SLC2A11: variants seen among roughly 807,000 people sequenced by gnomAD.
The protein encoded by SLC2A11 is solute carrier family 2, facilitated glucose transporter member 11.
In SLC2A11, 43 loss-of-function variants were observed where a neutral mutation model predicts 52.1. That is an observed-to-expected ratio of 0.82 (90% CI 0.65 to 1.06). The LOEUF (loss-of-function observed/expected upper bound fraction) is 1.06. Ranked by LOEUF, SLC2A11 falls within the 50% of genes least tolerant of loss-of-function variation. The probability of loss-of-function intolerance (pLI) is 0.00; values close to 1 mark genes in which losing one functional copy is unlikely to be tolerated. For synonymous variants in SLC2A11, 261 were observed against 277.6 expected (o/e 0.94, Z 0.59); for missense variants, 582 against 654.2 (o/e 0.89, Z 1.20).
chr22:23,858,061 G>A, intron 1 of SLC2A11, 32 bp downstream of exon 1: 1 of 1,552,962 alleles, frequency 6.4e-7, no homozygotes. Context: ...CAGACCAGGC[G>A]TTTCAGATGA....
At chr22:23,875,657 T>A (rs1471936286) in intron 4 of SLC2A11, among the ~76,000 whole-genome samples, 3 of 151,952 alleles carry the variant, frequency 2.0e-5, no homozygotes, top group Non-Finnish European at 4.4e-5. Context: ...AGAGCAGAAT[T>A]TTGAGCACAT....
chr22:23,884,252 C>G lies in SLC2A11; in HGVS notation c.1172-50C>G. ...TGTCTGGGCTGGGGTCGGGGAGAGG[C>G]AGGCAGGGAACCCTGGCCAGCAGCC... On this transcript the variant is annotated intron_variant, in intron 10 of 11. Coordinates refer to ENST00000316185, the MANE Select transcript of SLC2A11 (RefSeq NM_001024939.4). This position sits in a 1 kb window ranked among gnomAD's most constrained non-coding sequence, Gnocchi z 4.3. 1 of 1,581,210 alleles carries G rather than the reference C, an allele frequency of 6.3e-7. No individual in the cohort carries two copies. Among genetic ancestry groups the G allele is most frequent in the Non-Finnish European group, 8.6e-7 (1 of 1,162,622 alleles).
chr22:23,866,181 A>AG (rs2032257277), intron 2 of SLC2A11: 1 of 148,556 alleles, frequency 6.7e-6, no homozygotes, highest in African/African-American at 2.5e-5. Context: ...AAAAAAAAAA[A>AG]AGAAAGAAAA....
chr22:23,883,238 G>A (rs749682667), intron 8 of SLC2A11: 1 of 376,832 alleles, frequency 2.7e-6, no homozygotes, highest in Non-Finnish European at 5.1e-6. Flanking sequence ...CTCCAGCCCA[G>A]GCAATAGTGC....
intron 8 of SLC2A11, chr22:23,883,486 A>G (rs1158021941): frequency 4.6e-6 from 2 of 438,148 alleles, no homozygotes; most frequent in African/African-American, 4.1e-5. Flanking sequence ...CAGTGAGACC[A>G]GTAAGACCCT....
rs1484682267 is a variant in SLC2A11 at position 23,884,423 on chromosome 22, T to C, written c.1293T>C (p.Phe431=). ...TCCTGGTCGGCCTGGGATTTCCCTT[T>C]ATCATGGTAGGCCCGCCCCTCCCGC... ...MLILVGLGFP[F]IMEALSHFLY... The change falls in exon 11 of 12, where the codon TTT becomes TTC. Residue 431 remains phenylalanine (F), a synonymous_variant. Transcript: ENST00000316185. This position sits in a 1 kb window ranked among gnomAD's most constrained non-coding sequence, Gnocchi z 4.3. 1 of 1,613,600 alleles carries C rather than the reference T, an allele frequency of 6.2e-7. No individual in the cohort carries two copies. Among genetic ancestry groups the C allele is most frequent in the South Asian group, 1.1e-5 (1 of 91,048 alleles).
chr22:23,861,887 T>G (rs1358226909), intron 1 of SLC2A11, among the ~76,000 whole-genome samples: 1 of 152,062 alleles, frequency 6.6e-6, no homozygotes, highest in Non-Finnish European at 1.5e-5. Context: ...GAGGGTAAAG[T>G]GGGGTCCTGG....
Position 23,877,821 on chromosome 22 carries a change from CCG to C in SLC2A11, c.650_651del (p.Arg217LeufsTer5), listed in dbSNP as rs1361164406. On this transcript the variant is annotated frameshift_variant, in exon 6 of 12. Transcript: ENST00000316185. LOFTEE classifies it high-confidence loss of function. ...CTCCCTGCCTCTGCTCCCTGAAAGC[CCG>C]CGCTACCTCCTCATTGACTGTGGAG... ...LASLPLLPES[P>X]RYLLIDCGDT... is the part of the protein sequence containing the mutation. 1 of 1,613,536 alleles carries C rather than the reference CCG, an allele frequency of 6.2e-7. No homozygotes were observed. Among genetic ancestry groups the C allele is most frequent in the Admixed American group, 1.7e-5 (1 of 59,954 alleles).
chr22:23,857,162 G>C (rs999084071), upstream of SLC2A11: 2 of 1,009,704 alleles, frequency 2.0e-6, no homozygotes, highest in Non-Finnish European at 2.9e-6. Context: ...AGTGGCCTCC[G>C]AGGTTCTGGC....
chr22:23,858,443 G>C (rs1386741027), intron 1 of SLC2A11, among the ~76,000 whole-genome samples: 1 of 152,176 alleles, frequency 6.6e-6, no homozygotes, highest in African/African-American at 2.4e-5. Flanking sequence ...AAAGGGCGCA[G>C]CCAGAGGAGA....
chr22:23,878,794 A>G (rs2032708740), intron 6 of SLC2A11, among the ~76,000 whole-genome samples: 1 of 152,322 alleles, frequency 6.6e-6, no homozygotes, highest in South Asian at 2.1e-4. Flanking sequence ...GTCTCATCCA[A>G]TCATGGCATC....
intron 3 of SLC2A11, chr22:23,869,876 T>C: frequency 3.1e-6 from 2 of 647,946 alleles, no homozygotes; most frequent in Non-Finnish European, 5.6e-6. Flanking sequence ...GGGCGAATGC[T>C]GTGTCCTCAT....
In SLC2A11 at chr22:23,862,112, C is replaced by A; in HGVS notation, c.39C>A (p.Gly13=). Residue 13 remains glycine, a synonymous_variant, in exon 2 of 12, where the codon GGC becomes GGA. Transcript: ENST00000316185. The part of the protein sequence containing the change: ...HALLRSRMIQ[G]RILLLTICAA... ...CTCTCCTCTCTCCTCAGATTCAGGG[C>A]AGGATCCTGCTCCTGACCATCTGCG... The A allele has an allele frequency of 6.2e-7, 1 of 1,614,140 alleles. No individual in the cohort carries two copies. The highest frequency in any genetic ancestry group is 1.3e-5 in the African/African-American group (1 of 75,042).
Position 23,862,161 on chromosome 22 carries a change from C to T in SLC2A11, c.88C>T (p.Gln30Ter). The T allele has an allele frequency of 6.2e-7, 1 of 1,614,142 alleles. No individual in the cohort carries two copies. The highest frequency in any genetic ancestry group is 8.5e-7 in the Non-Finnish European group (1 of 1,180,014). The change falls in exon 2 of 12, where the codon CAG (glutamine) becomes TAG (stop). Residue 30 changes from glutamine (Q) to a stop codon, truncating the protein, a stop_gained. Coordinates refer to ENST00000316185, the MANE Select transcript of SLC2A11 (RefSeq NM_001024939.4). LOFTEE classifies it high-confidence loss of function. The stretch of plus-strand genomic sequence containing the variant: ...CGCTGCCGGCATTGGTGGGACTTTT[C>T]AGTTTGGCTATAACCTCTCTATCAT... Reference protein sequence around the residue: ...ICAAGIGGTFQFGYNLSIINA... With the variant: ...ICAAGIGGTF
chr22:23,885,186 T>G lies in SLC2A11; in HGVS notation c.*337T>G. On this transcript the variant is annotated 3_prime_UTR_variant, in exon 12 of 12. Transcript: ENST00000316185. ...AGGTAACATAGTGAGACCCCCTATCTCTACAAAAAATTTTAAACATTAGCT... is the reference window on the plus strand; with the variant it reads ...AGGTAACATAGTGAGACCCCCTATCGCTACAAAAAATTTTAAACATTAGCT... 2.3e-6 allele frequency: 1 copy of G among 441,722 alleles called. No homozygotes were observed. Among genetic ancestry groups the G allele is most frequent in the Non-Finnish European group, 4.0e-6 (1 of 252,484 alleles). The allele number at this position is 441,722 out of a possible 1,614,324, so 27.4% of individuals were successfully genotyped here.
intron 3 of SLC2A11, chr22:23,870,060 G>A: frequency 1.4e-6 from 1 of 716,190 alleles, no homozygotes; most frequent in Non-Finnish European, 2.6e-6. Flanking sequence ...CTGAATTTTG[G>A]AAGAGACACA....
At chr22:23,861,760 G>A (rs1490278889) in intron 1 of SLC2A11, among the ~76,000 whole-genome samples, 1 of 152,228 alleles carries the variant, frequency 6.6e-6, no homozygotes, top group Non-Finnish European at 1.5e-5. Context: ...CTCTACTGGG[G>A]CCCCAGCTCA....
Position 23,875,254 on chromosome 22 carries a change from G to T in SLC2A11, c.415+13G>T. 1 of 1,412,016 alleles carries T rather than the reference G, an allele frequency of 7.1e-7. No individual in the cohort carries two copies. The highest frequency in any genetic ancestry group is 9.3e-7 in the Non-Finnish European group (1 of 1,070,840). The allele number at this position is 1,412,016 out of a possible 1,614,324, so 87.5% of individuals were successfully genotyped here. On this transcript the variant is annotated intron_variant, in intron 4 of 11. Transcript: ENST00000316185. ...GGAGTCAATGCAGGTATGGGGTGGG[G>T]GCTTCTCATCCTGCCTCTCTATGCC...
At position 23,861,643 on chromosome 22, in the gene SLC2A11, G is replaced by A. The variant is rs561422143; in HGVS notation, c.31-461G>A. 1.7e-4 allele frequency among the ~76,000 whole-genome samples: 25 copies of A among 151,282 alleles called. No homozygotes were observed. The South Asian group carries it at 5.0e-3, about 30-fold the overall frequency. On this transcript the variant is annotated intron_variant, in intron 1 of 11. Transcript: ENST00000316185. The stretch of plus-strand genomic sequence containing the variant: ...CTCATTGCAGAACATGCTGGTGGGA[G>A]GTAAGAGAGGTGGCTCAGCCCAGAT...
Sources: allele counts gnomAD v4.1 joint callset (sites outside exome capture counted in the v4.1 genomes callset), GRCh38; gene constraint gnomAD v4.1.1; non-coding constraint Gnocchi (gnomAD v3.1); transcripts MANE v1.5; gene names NCBI Gene and HGNC (gene_info 2026-07-23, HGNC 2026-07-21).